Variants in CEP112 observed in about 807,000 individuals in gnomAD.
CEP112 encodes the protein centrosomal protein of 112 kDa.
A neutral mutation model predicts 153.0 loss-of-function variants in CEP112; 127 were observed. The ratio of observed to expected loss-of-function variants is 0.83; its 90% confidence interval spans 0.72 to 0.96. CEP112 has a LOEUF of 0.96. Ranked by LOEUF, CEP112 falls within the 40% of genes least tolerant of loss-of-function variation. CEP112 has a pLI of 0.00. For missense variants in CEP112, 1,089 were observed against 1,101.2 expected, an observed-to-expected ratio of 0.99 and a Z score of 0.16; for synonymous variants, 358 against 374.4, an observed-to-expected ratio of 0.96 and a Z score of 0.51.
In CEP112 at chr17:66,066,760, G is replaced by A; in HGVS notation, c.955+18C>T. 7.0e-7 allele frequency: 1 copy of A among 1,420,772 alleles called. No individual in the cohort carries two copies. The highest frequency in any genetic ancestry group is 9.4e-7 in the Non-Finnish European group (1 of 1,063,138). The allele number at this position is 1,420,772 out of a possible 1,614,324, so 88.0% of individuals were successfully genotyped here. ...ATGGAAATGTTATTAAAAGATGTAT[G>A]TAACAACACAACATCACCTTTCTTT... On this transcript the variant is annotated intron_variant, in intron 10 of 26. Transcript: ENST00000535342.
intron 22 of CEP112, among the ~76,000 whole-genome samples, chr17:65,744,769 G>A (rs2051347565): frequency 6.6e-6 from 1 of 152,020 alleles, no homozygotes; most frequent in Non-Finnish European, 1.5e-5. Flanking sequence ...TATTTAATTG[G>A]CCTTATGAGA....
chr17:65,999,697 T>C (rs910519211), intron 17 of CEP112, among the ~76,000 whole-genome samples: 1 of 152,110 alleles, frequency 6.6e-6, no homozygotes, highest in African/African-American at 2.4e-5. Context: ...GTTAGTTATT[T>C]TTCCCGATCC....
chr17:66,160,443 T>C (rs749591184), intron 4 of CEP112, among the ~76,000 whole-genome samples: 7 of 152,154 alleles, frequency 4.6e-5, no homozygotes, highest in Non-Finnish European at 8.8e-5. Flanking sequence ...CTTCAGACTA[T>C]ACTACAAGGC....
intron 21 of CEP112, among the ~76,000 whole-genome samples, chr17:65,781,586 T>C (rs1030719448): frequency 5.3e-5 from 8 of 151,796 alleles, no homozygotes; most frequent in African/African-American, 1.9e-4. Flanking sequence ...AGGGATCACA[T>C]TACCTGGCTT....
chr17:66,022,779 G>A (rs574594523), intron 16 of CEP112, among the ~76,000 whole-genome samples: 1 of 150,188 alleles, frequency 6.7e-6, no homozygotes, highest in East Asian at 1.9e-4. Context: ...GATTCAATGA[G>A]ATAAAAGATA....
intron 24 of CEP112, among the ~76,000 whole-genome samples, chr17:65,660,618 C>T (rs1412092582): frequency 6.6e-6 from 1 of 152,014 alleles, no homozygotes; most frequent in East Asian, 1.9e-4. Flanking sequence ...AACCACAGCT[C>T]ACTGCAGCCT....
At chr17:65,908,902 C>T (rs1253706161) in intron 19 of CEP112, among the ~76,000 whole-genome samples, 1 of 152,160 alleles carries the variant, frequency 6.6e-6, no homozygotes, top group Non-Finnish European at 1.5e-5. Context: ...GGCAAGAGCA[C>T]ATTCTAGGTC....
At chr17:65,914,195 T>C (rs889964640) in intron 19 of CEP112, among the ~76,000 whole-genome samples, 23 of 151,516 alleles carry the variant, frequency 1.5e-4, no homozygotes, top group Non-Finnish European at 3.1e-4. Flanking sequence ...CTGCATATTT[T>C]AATTCATTTT....
chr17:65,905,372 A>G (rs571263291), intron 19 of CEP112, among the ~76,000 whole-genome samples: 67 of 152,380 alleles, frequency 4.4e-4, no homozygotes, highest in African/African-American at 1.4e-3. Context: ...ACTGGTCATT[A>G]GAGAAATGCA....
intron 4 of CEP112, among the ~76,000 whole-genome samples, chr17:66,169,506 G>A (rs565900496): frequency 1.3e-5 from 2 of 151,870 alleles, no homozygotes; most frequent in Non-Finnish European, 2.9e-5. Flanking sequence ...AGCTGGTATC[G>A]AACTCCTGAC....
intron 24 of CEP112, among the ~76,000 whole-genome samples, chr17:65,674,118 G>A (rs558685376): frequency 6.6e-6 from 1 of 152,162 alleles, no homozygotes; most frequent in Non-Finnish European, 1.5e-5. Context: ...CAATCCGCTC[G>A]CCTCAGCCTC....
intron 17 of CEP112, among the ~76,000 whole-genome samples, chr17:65,970,022 T>C (rs1195574822): frequency 1.3e-5 from 2 of 152,296 alleles, no homozygotes; most frequent in Non-Finnish European, 2.9e-5. Context: ...ATTGCGAACA[T>C]GCACGCCACA....
intron 24 of CEP112, among the ~76,000 whole-genome samples, chr17:65,647,057 A>C (rs929650469): frequency 1.3e-5 from 2 of 152,216 alleles, no homozygotes; most frequent in African/African-American, 4.8e-5. Flanking sequence ...TTCCCCAAAG[A>C]AGCACATATT....
intron 1 of CEP112, among the ~76,000 whole-genome samples, chr17:66,188,496 G>GTGAA (rs2073034267): frequency 6.9e-6 from 1 of 145,790 alleles, no homozygotes; most frequent in Admixed American, 7.3e-5. Flanking sequence ...TGTCACCTGA[G>GTGAA]TGAAGCTGGC....
chr17:65,701,902 T>G (rs971166038), intron 23 of CEP112, among the ~76,000 whole-genome samples: 39 of 147,962 alleles, frequency 2.6e-4, no homozygotes, highest in African/African-American at 8.2e-4. Flanking sequence ...TTTTTTGTTT[T>G]TTTTTTTTTT....
chr17:65,644,326 A>C (rs772140045), intron 24 of CEP112: 14 of 568,784 alleles, frequency 2.5e-5, no homozygotes, highest in Non-Finnish European at 4.1e-5. Context: ...TTTGAGTGCC[A>C]AGATGGTGAA....
At chr17:66,021,924 G>A (rs1033473032) in intron 16 of CEP112, among the ~76,000 whole-genome samples, 5 of 152,296 alleles carry the variant, frequency 3.3e-5, no homozygotes, top group Admixed American at 1.3e-4. Context: ...AGCAACTGGC[G>A]TTTTTACCTG....
chr17:66,101,712 T>C (rs904439013), intron 6 of CEP112, among the ~76,000 whole-genome samples: 3 of 152,192 alleles, frequency 2.0e-5, no homozygotes, highest in African/African-American at 7.2e-5. Flanking sequence ...GGAAACCAAA[T>C]ACTATTGATT....
In CEP112 at chr17:66,029,973, T is replaced by C. The variant is rs1340048712; in HGVS notation, c.1269A>G (p.Glu423=). 6.2e-7 allele frequency: 1 copy of C among 1,613,924 alleles called. No individual in the cohort carries two copies. Among genetic ancestry groups the C allele is most frequent in the Non-Finnish European group, 8.5e-7 (1 of 1,179,854 alleles). ...GCCTCTGTAAATTACTGTTCTCTGCTTCTCCAGTCAGCTGCTGGACACGGG... is the reference window on the plus strand; with the variant it reads ...GCCTCTGTAAATTACTGTTCTCTGCCTCTCCAGTCAGCTGCTGGACACGGG... ...LEARVQQLTG[E]AENSNLQRQK... The change falls in exon 13 of 27, where the codon GAA becomes GAG. Residue 423 remains glutamate (E), a synonymous_variant. Coordinates refer to ENST00000535342, the MANE Select transcript of CEP112 (RefSeq NM_001199165.4).
Sources: allele counts gnomAD v4.1 joint callset (sites outside exome capture counted in the v4.1 genomes callset), GRCh38; gene constraint gnomAD v4.1.1; transcripts MANE v1.5; gene names NCBI Gene and HGNC (gene_info 2026-07-23, HGNC 2026-07-21).